The following LRRC4C variants were observed in gnomAD, a reference collection of about 807,000 sequenced individuals.
LRRC4C encodes leucine rich repeat containing 4C.
LRRC4C carries 5 observed loss-of-function variants against 33.6 expected under a neutral mutation model. That is an observed-to-expected ratio of 0.15 (90% CI 0.08 to 0.31). The LOEUF is 0.31. Ranked by LOEUF, LRRC4C falls within the 10% of genes least tolerant of loss-of-function variation. The pLI, the probability that LRRC4C is intolerant of heterozygous loss-of-function variation, is 1.00. For synonymous variants in LRRC4C, 329 were observed against 302.0 expected (o/e 1.09, Z -0.93); for missense variants, 560 against 796.7 (o/e 0.70, Z 3.58).
At chr11:40,561,186 A>T (rs1957532590) in intron 3 of LRRC4C, among the ~76,000 whole-genome samples, 1 of 151,838 alleles carries the variant, frequency 6.6e-6, no homozygotes, top group African/African-American at 2.4e-5. Context: ...ATAAAGGGGG[A>T]AGTTTATGAG....
chr11:40,557,849 T>C (rs1490536477), intron 3 of LRRC4C, among the ~76,000 whole-genome samples: 1 of 152,192 alleles, frequency 6.6e-6, no homozygotes, highest in Admixed American at 6.5e-5. Context: ...ATATTTATGA[T>C]TGAATCACTA....
rs71466923 is a variant in LRRC4C at position 41,163,284 on chromosome 11, G to GTTTTTTTTTTTTTTTTTTTTTTTTTT, written c.-495-229562_-495-229561insAAAAAAAAAAAAAAAAAAAAAAAAAA. On this transcript the variant is annotated intron_variant, in intron 1 of 6. Transcript: ENST00000528697. ...GTAATAAACTTAGTTTACTGTAACT[G>GTTTTTTTTTTTTTTTTTTTTTTTTTT]TTTTTTTTTTTTTTTTTCAAACAGG... Among the ~76,000 whole-genome samples, 3 of 73,382 alleles carry GTTTTTTTTTTTTTTTTTTTTTTTTTT rather than the reference G, an allele frequency of 4.1e-5. 1 individual carries two copies. Among genetic ancestry groups the GTTTTTTTTTTTTTTTTTTTTTTTTTT allele is most frequent in the African/African-American group, 1.0e-4 (2 of 19,856 alleles). 48.1% of individuals were successfully genotyped at this position (73,382 alleles called of 152,430 possible).
At chr11:40,233,867 T>A (rs559854706) in intron 5 of LRRC4C, among the ~76,000 whole-genome samples, 1 of 152,328 alleles carries the variant, frequency 6.6e-6, no homozygotes, top group East Asian at 1.9e-4. Context: ...TATCTAACAA[T>A]ATTAGGTATA....
chr11:40,573,676 C>G lies in LRRC4C; in HGVS notation c.-270+74466G>C, dbSNP rs559040258. Reference sequence around the variant, plus strand: ...TTTTCTTGCCCATCTATCCAACAAACAGGGAGCACCTAGCACAGTACATTA... The same window carrying G: ...TTTTCTTGCCCATCTATCCAACAAAGAGGGAGCACCTAGCACAGTACATTA... On this transcript the variant is annotated intron_variant, in intron 3 of 6. Coordinates refer to ENST00000528697, the MANE Select transcript of LRRC4C (RefSeq NM_001258419.2). 4.6e-5 allele frequency among the ~76,000 whole-genome samples: 7 copies of G among 152,236 alleles called. No homozygotes were observed. The East Asian group carries it at 1.4e-3, about 29-fold the overall frequency.
intron 1 of LRRC4C, among the ~76,000 whole-genome samples, chr11:40,952,734 C>T (rs1488253239): frequency 1.3e-5 from 2 of 151,796 alleles, no homozygotes; most frequent in African/African-American, 4.8e-5. Context: ...GCTCTTCACA[C>T]AGATCTTGAT....
At chr11:41,105,302 C>A (rs2135653662) in intron 1 of LRRC4C, among the ~76,000 whole-genome samples, 1 of 152,142 alleles carries the variant, frequency 6.6e-6, no homozygotes, top group African/African-American at 2.4e-5. Context: ...TGAATGCAGT[C>A]TAAGCATCAT....
chr11:40,247,027 A>C (rs759108131), intron 4 of LRRC4C, among the ~76,000 whole-genome samples: 5 of 152,042 alleles, frequency 3.3e-5, no homozygotes, highest in African/African-American at 4.8e-5. Flanking sequence ...CAATCACTGA[A>C]GAGACTGAAT....
chr11:41,077,540 C>A (rs1034963724), intron 1 of LRRC4C, among the ~76,000 whole-genome samples: 13 of 152,170 alleles, frequency 8.5e-5, no homozygotes, highest in African/African-American at 3.1e-4. Flanking sequence ...ATGGCTGGAG[C>A]TGGAGTGGCT....
intron 3 of LRRC4C, among the ~76,000 whole-genome samples, chr11:40,331,564 A>C (rs1180303655): frequency 6.6e-6 from 1 of 152,220 alleles, no homozygotes; most frequent in Non-Finnish European, 1.5e-5. Flanking sequence ...ACAGAAAGTG[A>C]TTAACATTTG....
intron 1 of LRRC4C, among the ~76,000 whole-genome samples, chr11:41,456,668 T>C (rs1956180085): frequency 6.6e-6 from 1 of 152,146 alleles, no homozygotes; most frequent in Non-Finnish European, 1.5e-5. Context: ...AACTTTAGCC[T>C]TTTCTTTAGC....
chr11:40,357,426 G>T (rs1042737121), intron 3 of LRRC4C, among the ~76,000 whole-genome samples: 16 of 152,056 alleles, frequency 1.1e-4, no homozygotes, highest in Non-Finnish European at 2.2e-4. Context: ...GGAGAAAAAA[G>T]AATTAATTGG....
At chr11:41,145,859 T>C (rs1327796842) in intron 1 of LRRC4C, among the ~76,000 whole-genome samples, 1 of 152,168 alleles carries the variant, frequency 6.6e-6, no homozygotes, top group Non-Finnish European at 1.5e-5. Context: ...GTTTCCACGG[T>C]GATTTTGTGA....
intron 2 of LRRC4C, among the ~76,000 whole-genome samples, chr11:40,798,645 C>CTTTTTT (rs11341571): frequency 1.5e-5 from 2 of 137,780 alleles, no homozygotes; most frequent in Non-Finnish European, 3.1e-5. Context: ...TTCTTTCTTT[C>CTTTTTT]TTTTTTTTTT....
chr11:40,607,763 CTAAT>C (rs1248539995), intron 3 of LRRC4C, among the ~76,000 whole-genome samples: 1 of 152,098 alleles, frequency 6.6e-6, no homozygotes, highest in African/African-American at 2.4e-5. Flanking sequence ...GGCAGAATGT[CTAAT>C]TGAGCTGATT....
chr11:40,152,308 G>A (rs989603734), intron 5 of LRRC4C, among the ~76,000 whole-genome samples: 3 of 152,200 alleles, frequency 2.0e-5, no homozygotes, highest in Non-Finnish European at 2.9e-5. Context: ...GGAGTTCGCT[G>A]GGTCCCCAAG....
At chr11:40,193,031 G>C (rs1178294499) in intron 5 of LRRC4C, among the ~76,000 whole-genome samples, 1 of 152,214 alleles carries the variant, frequency 6.6e-6, no homozygotes, top group Non-Finnish European at 1.5e-5. Flanking sequence ...TGCAGCTTCA[G>C]CAGACTTAAA....
chr11:40,994,681 T>A (rs1853833199), intron 1 of LRRC4C, among the ~76,000 whole-genome samples: 1 of 152,120 alleles, frequency 6.6e-6, no homozygotes, highest in Non-Finnish European at 1.5e-5. Flanking sequence ...CAACTAAATT[T>A]TCTACCTAAT....
At chr11:41,287,320 C>A (rs193091306) in intron 1 of LRRC4C, among the ~76,000 whole-genome samples, 1 of 152,242 alleles carries the variant, frequency 6.6e-6, no homozygotes, top group East Asian at 1.9e-4. Context: ...TAACAGAATT[C>A]TCAAGTCAGA....
At chr11:40,661,541 C>T (rs1943436179) in intron 2 of LRRC4C, among the ~76,000 whole-genome samples, 1 of 152,186 alleles carries the variant, frequency 6.6e-6, no homozygotes, top group Admixed American at 6.5e-5. Context: ...TCCAAACTGT[C>T]AATCACTGAC....
Sources: allele counts gnomAD v4.1 joint callset (sites outside exome capture counted in the v4.1 genomes callset), GRCh38; gene constraint gnomAD v4.1.1; transcripts MANE v1.5; gene names NCBI Gene and HGNC (gene_info 2026-07-23, HGNC 2026-07-21).